GNG2: variants seen among roughly 807,000 people sequenced by gnomAD.
GNG2 encodes G protein subunit gamma 2.
In GNG2, 5 loss-of-function variants were observed where a neutral mutation model predicts 5.5. That is an observed-to-expected ratio of 0.91 (90% CI 0.48 to 1.92). The LOEUF is 1.92. GNG2 is among the 30% of genes most tolerant of loss of function. The probability of loss-of-function intolerance (pLI) is 0.01; values close to 1 mark genes in which losing one functional copy is unlikely to be tolerated. For synonymous variants in GNG2, 28 were observed against 32.0 expected (o/e 0.88, Z 0.42); for missense variants, 55 against 88.4 (o/e 0.62, Z 1.52).
chr14:51,950,982 A>G (rs1360041953), intron 3 of GNG2, among the ~76,000 whole-genome samples: 10 of 152,048 alleles, frequency 6.6e-5, no homozygotes, highest in Admixed American at 6.5e-5. Context: ...CTAACAACAC[A>G]ACACAAAAAA....
intron 2 of GNG2, among the ~76,000 whole-genome samples, chr14:51,905,441 T>C (rs1885855490): frequency 6.6e-6 from 1 of 152,216 alleles, no homozygotes; most frequent in Non-Finnish European, 1.5e-5. Context: ...CAATAAAATT[T>C]TCATCCTAAA....
intron 1 of GNG2, among the ~76,000 whole-genome samples, chr14:51,868,191 A>AG (rs1176405898): frequency 6.6e-6 from 1 of 152,262 alleles, no homozygotes; most frequent in Non-Finnish European, 1.5e-5. Context: ...TCAAGATGCC[A>AG]GGGAGACTAG....
intron 2 of GNG2, among the ~76,000 whole-genome samples, chr14:51,932,357 C>A (rs1336614019): frequency 1.3e-5 from 2 of 150,622 alleles, no homozygotes; most frequent in African/African-American, 4.9e-5. Context: ...CATGGGTGAA[C>A]CTTGAAGACA....
intron 2 of GNG2, among the ~76,000 whole-genome samples, chr14:51,834,330 G>C (rs1881277581): frequency 6.6e-6 from 1 of 152,246 alleles, no homozygotes; most frequent in Non-Finnish European, 1.5e-5. Context: ...CTGGATACCA[G>C]CACTGTGATG....
At chr14:51,871,739 A>G (rs17124692) in intron 1 of GNG2, among the ~76,000 whole-genome samples, 16,828 of 152,252 alleles carry the variant, frequency 0.11, 1,745 homozygotes, top group African/African-American at 0.27. Flanking sequence ...TTATGGCCCA[A>G]CATTAATCAT....
At chr14:51,887,620 G>T (rs919519234) in intron 2 of GNG2, among the ~76,000 whole-genome samples, 1 of 152,136 alleles carries the variant, frequency 6.6e-6, no homozygotes, top group African/African-American at 2.4e-5. Context: ...GGACGGGTTG[G>T]GTCTATAATA....
intron 2 of GNG2, among the ~76,000 whole-genome samples, chr14:51,945,471 C>T (rs1432686253): frequency 6.6e-6 from 1 of 151,964 alleles, no homozygotes; most frequent in African/African-American, 2.4e-5. Context: ...CTATGAGATA[C>T]CTAAAGTAGT....
intron 2 of GNG2, among the ~76,000 whole-genome samples, chr14:51,884,505 C>G (rs1884310122): frequency 6.6e-6 from 1 of 152,150 alleles, no homozygotes; most frequent in African/African-American, 2.4e-5. Flanking sequence ...TAGGGTCACA[C>G]AGCTGAAAAG....
intron 2 of GNG2, among the ~76,000 whole-genome samples, chr14:51,855,104 G>A (rs566329509): frequency 2.2e-3 from 340 of 152,244 alleles, no homozygotes; most frequent in Non-Finnish European, 3.5e-3. Context: ...ATGTATATAT[G>A]CAACACACAC....
intron 2 of GNG2, among the ~76,000 whole-genome samples, chr14:51,944,140 T>A (rs1888506482): frequency 6.6e-6 from 1 of 152,138 alleles, no homozygotes; most frequent in African/African-American, 2.4e-5. Flanking sequence ...AAATAAACCC[T>A]TACATATATG....
chr14:51,953,388 C>G (rs56132887), intron 3 of GNG2, among the ~76,000 whole-genome samples: 196 of 152,184 alleles, frequency 1.3e-3, no homozygotes, highest in Admixed American at 2.1e-3. Context: ...CTATTATTGA[C>G]GCAAACAAGA....
intron 2 of GNG2, among the ~76,000 whole-genome samples, chr14:51,849,138 G>T (rs1300267391): frequency 2.0e-5 from 3 of 152,142 alleles, no homozygotes; most frequent in Admixed American, 6.5e-5. Flanking sequence ...GCTTGTCTGG[G>T]GTGGAGGATC....
At chr14:51,888,421 C>T (rs980413105) in intron 2 of GNG2, among the ~76,000 whole-genome samples, 8 of 152,164 alleles carry the variant, frequency 5.3e-5, no homozygotes, top group Admixed American at 1.3e-4. Flanking sequence ...TGGGCTTGAG[C>T]GATCCTCCCA....
intron 2 of GNG2, among the ~76,000 whole-genome samples, chr14:51,921,838 T>C (rs1459621432): frequency 1.3e-5 from 2 of 152,210 alleles, no homozygotes; most frequent in Non-Finnish European, 2.9e-5. Context: ...ATTAAAAATG[T>C]ATAAGCATTA....
At chr14:51,946,498 AT>A (rs1318802864) in intron 2 of GNG2, among the ~76,000 whole-genome samples, 24 of 152,318 alleles carry the variant, frequency 1.6e-4, no homozygotes, top group South Asian at 8.3e-4. Context: ...ATAAAAAACC[AT>A]TGGGTGGAAA....
At chr14:51,868,218 C>G (rs1162401189) in intron 1 of GNG2, among the ~76,000 whole-genome samples, 5 of 152,144 alleles carry the variant, frequency 3.3e-5, no homozygotes, top group Admixed American at 3.3e-4. Context: ...CAAAACTGGT[C>G]GGTTGTTTTC....
chr14:51,829,292 C>T (rs1467319095), intron 2 of GNG2, among the ~76,000 whole-genome samples: 3 of 152,150 alleles, frequency 2.0e-5, no homozygotes, highest in East Asian at 3.9e-4. Flanking sequence ...AGCTTATCTC[C>T]CCAACTCCCA....
At chr14:51,933,892 G>T (rs1452756213) in intron 2 of GNG2, among the ~76,000 whole-genome samples, 5 of 152,210 alleles carry the variant, frequency 3.3e-5, no homozygotes, top group Non-Finnish European at 7.3e-5. Flanking sequence ...AGAAGGGAAG[G>T]TGTGAAAATC....
In GNG2 at chr14:51,954,804, T is replaced by A. The variant is rs1358380033; in HGVS notation, c.87+4039T>A. 2.0e-5 allele frequency among the ~76,000 whole-genome samples: 3 copies of A among 152,166 alleles called. No individual in the cohort carries two copies. In the East Asian group the frequency reaches 5.8e-4, roughly 29 times the overall value. ...CCATGGTTCCCAGGATCACAACTCA[T>A]AGTTCCAGCTCCATGAAAAAAGAGA... On this transcript the variant is annotated intron_variant, in intron 3 of 3. Transcript: ENST00000556766.
Sources: gnomAD v4.1 joint callset for allele counts (sites outside exome capture counted in the v4.1 genomes callset) on GRCh38, gnomAD v4.1.1 for gene constraint, MANE v1.5 for transcripts, NCBI Gene and HGNC (gene_info 2026-07-23, HGNC 2026-07-21) for gene names.